The following PCCA variants were observed in gnomAD, a reference collection of about 807,000 sequenced individuals.
The protein encoded by PCCA is propionyl-CoA carboxylase subunit alpha.
Under a neutral mutation model 101.3 loss-of-function variants are expected in PCCA, and 74 were observed. The observed-to-expected ratio is 0.73, with a 90% confidence interval of 0.61 to 0.89. The LOEUF is 0.89. Among genes scored for constraint, PCCA ranks in the 40% least tolerant of loss-of-function variants. The probability of loss-of-function intolerance (pLI) is 0.00; values close to 1 mark genes in which losing one functional copy is unlikely to be tolerated. For missense variants in PCCA, 891 were observed against 907.0 expected (o/e 0.98, Z 0.23); for synonymous variants, 294 against 313.6 (o/e 0.94, Z 0.66).
chr13:100,489,132 C>T (rs558418835), intron 21 of PCCA, among the ~76,000 whole-genome samples: 12 of 150,488 alleles, frequency 8.0e-5, no homozygotes, highest in African/African-American at 2.4e-4. Flanking sequence ...GGTGAAACCC[C>T]GTCTCTACTA....
At chr13:100,358,714 G>A (rs191236169) in intron 18 of PCCA, among the ~76,000 whole-genome samples, 235 of 152,274 alleles carry the variant, frequency 1.5e-3, no homozygotes, top group African/African-American at 5.4e-3. Context: ...AAAGGACAAA[G>A]GAAACTTTTG....
intron 16 of PCCA, among the ~76,000 whole-genome samples, chr13:100,314,143 T>A (rs2067147488): frequency 6.6e-6 from 1 of 152,154 alleles, no homozygotes; most frequent in African/African-American, 2.4e-5. Context: ...ATTCCAAGAA[T>A]GAGGGTTGTA....
chr13:100,301,715 G>C (rs2066076080), intron 13 of PCCA, 112 bp downstream of exon 13: 1 of 1,200,430 alleles, frequency 8.3e-7, no homozygotes, highest in Non-Finnish European at 1.2e-6. Flanking sequence ...CCAACTATTG[G>C]ATTACGTAAT....
At chr13:100,336,027 C>G (rs1019667958) in intron 17 of PCCA, among the ~76,000 whole-genome samples, 2 of 152,136 alleles carry the variant, frequency 1.3e-5, no homozygotes, top group Admixed American at 6.5e-5. Flanking sequence ...CTCTGGGAGG[C>G]CGAGTGGGGC....
chr13:100,114,862 T>C (rs1217004045), intron 4 of PCCA, among the ~76,000 whole-genome samples: 2 of 152,158 alleles, frequency 1.3e-5, no homozygotes, highest in Non-Finnish European at 2.9e-5. Context: ...AAGAACAGTA[T>C]GGAGGTTTCT....
chr13:100,407,629 C>T (rs2077763462), intron 19 of PCCA, among the ~76,000 whole-genome samples: 1 of 152,198 alleles, frequency 6.6e-6, no homozygotes, highest in African/African-American at 2.4e-5. Flanking sequence ...TAGAGAACCT[C>T]TTCTGCAAGA....
intron 23 of PCCA, 141 bp from the exon 24 acceptor site, chr13:100,529,957 C>CGGTGG: frequency 1.4e-6 from 1 of 732,356 alleles, no homozygotes; most frequent in Non-Finnish European, 2.5e-6. Flanking sequence ...CGATGGGCTC[C>CGGTGG]GGTGGGGTGG....
intron 14 of PCCA, among the ~76,000 whole-genome samples, chr13:100,304,312 T>C (rs937966710): frequency 3.3e-5 from 5 of 152,372 alleles, no homozygotes; most frequent in Non-Finnish European, 5.9e-5. Context: ...GCATGTCAGC[T>C]AAATGGACCA....
At chr13:100,203,000 C>A (rs546426685) in intron 6 of PCCA, among the ~76,000 whole-genome samples, 30 of 152,088 alleles carry the variant, frequency 2.0e-4, no homozygotes, top group Middle Eastern at 3.4e-3. Context: ...AGGCCAGGTG[C>A]GGTGGCTCAC....
chr13:100,321,323 C>T (rs912062774), intron 16 of PCCA, among the ~76,000 whole-genome samples: 2 of 152,048 alleles, frequency 1.3e-5, no homozygotes, highest in African/African-American at 4.8e-5. Context: ...TTTTGCCTAC[C>T]TAATTGATCT....
In PCCA at chr13:100,135,371, G is replaced by T. The variant is rs145579757; in HGVS notation, c.301-19608G>T. Among the ~76,000 whole-genome samples, 170 of 152,220 alleles carry T rather than the reference G, an allele frequency of 1.1e-3. 2 individuals are homozygous for T. In the East Asian group the frequency reaches 0.031, roughly 28 times the overall value. On this transcript the variant is annotated intron_variant, in intron 4 of 23. Coordinates refer to ENST00000376285, the MANE Select transcript of PCCA (RefSeq NM_000282.4). Reference sequence around the variant, plus strand: ...ACAACACTTACATTCCAGCCTGGGTGACAGAGTGAGACTCTGTCTCTTTAA... The same window carrying T: ...ACAACACTTACATTCCAGCCTGGGTTACAGAGTGAGACTCTGTCTCTTTAA...
At chr13:100,155,157 G>T in intron 5 of PCCA, 65 bp downstream of exon 5, 2 of 1,043,440 alleles carry the variant, frequency 1.9e-6, no homozygotes, top group Non-Finnish European at 1.5e-6. Flanking sequence ...GCTAGAGTTT[G>T]TATTTAAAAA....
intron 16 of PCCA, among the ~76,000 whole-genome samples, chr13:100,325,566 CT>C (rs1418993860): frequency 3.9e-5 from 6 of 152,102 alleles, no homozygotes; most frequent in African/African-American, 1.4e-4. Context: ...AGGAACATTT[CT>C]TAGTAGGGAA....
intron 9 of PCCA, among the ~76,000 whole-genome samples, chr13:100,260,391 GTGTGTGTTTT>G (rs2062405349): frequency 6.7e-6 from 1 of 148,820 alleles, no homozygotes; most frequent in Non-Finnish European, 1.5e-5. Flanking sequence ...GTGTGTGTGT[GTGTGTGTTTT>G]TTTTTTTTTT....
At chr13:100,481,347 C>T (rs983119594) in intron 21 of PCCA, among the ~76,000 whole-genome samples, 2 of 152,012 alleles carry the variant, frequency 1.3e-5, no homozygotes, top group African/African-American at 4.8e-5. Flanking sequence ...CACTTGAGCT[C>T]GGGAGTTTGA....
chr13:100,399,938 A>G (rs1230143223), intron 19 of PCCA, among the ~76,000 whole-genome samples: 1 of 152,210 alleles, frequency 6.6e-6, no homozygotes, highest in Non-Finnish European at 1.5e-5. Flanking sequence ...TAAAAAGGAG[A>G]TAACAATCAT....
chr13:100,521,938 A>G (rs1320575567), intron 22 of PCCA, among the ~76,000 whole-genome samples: 2 of 152,360 alleles, frequency 1.3e-5, no homozygotes, highest in South Asian at 2.1e-4. Flanking sequence ...ATGTAGGACA[A>G]CAAAAGAAGC....
At chr13:100,338,159 C>T (rs1214726973) in intron 17 of PCCA, among the ~76,000 whole-genome samples, 1 of 152,196 alleles carries the variant, frequency 6.6e-6, no homozygotes, top group African/African-American at 2.4e-5. Flanking sequence ...GTGAAGTGCA[C>T]ACAGCATCTT....
chr13:100,173,328 C>G (rs2055895274), intron 6 of PCCA, among the ~76,000 whole-genome samples: 2 of 152,146 alleles, frequency 1.3e-5, no homozygotes, highest in Non-Finnish European at 2.9e-5. Context: ...TTTTTACATG[C>G]TCTGGCTGGG....
Sources: gnomAD v4.1 joint callset for allele counts (sites outside exome capture counted in the v4.1 genomes callset) on GRCh38, gnomAD v4.1.1 for gene constraint, MANE v1.5 for transcripts, NCBI Gene and HGNC (gene_info 2026-07-23, HGNC 2026-07-21) for gene names.